The following MAP3K3 variants were observed in gnomAD, a reference collection of about 807,000 sequenced individuals.
MAP3K3 encodes the protein mitogen-activated protein kinase kinase kinase 3.
Under a neutral mutation model 80.9 loss-of-function variants are expected in MAP3K3, and 12 were observed. The ratio of observed to expected loss-of-function variants is 0.15; its 90% CI spans 0.10 to 0.24. The LOEUF is 0.24. Among genes scored for constraint, MAP3K3 ranks in the 10% least tolerant of loss-of-function variants. The probability of loss-of-function intolerance (pLI) is 1.00; values close to 1 mark genes in which losing one functional copy is unlikely to be tolerated. For synonymous variants in MAP3K3, 272 were observed against 307.1 expected (o/e 0.89, Z 1.19); for missense variants, 596 against 834.7 (o/e 0.71, Z 3.52).
intron 5 of MAP3K3, among the ~76,000 whole-genome samples, chr17:63,664,008 C>T (rs2034948452): frequency 6.6e-6 from 1 of 151,632 alleles, no homozygotes; most frequent in Admixed American, 6.6e-5. Context: ...TTTGGGAGGC[C>T]GAGGCGGGCG....
At position 63,693,279 on chromosome 17, in the gene MAP3K3, A is replaced by G. The variant is rs1598128499; in HGVS notation, c.1653-270A>G. 6.6e-6 allele frequency among the ~76,000 whole-genome samples: 1 copy of G among 152,232 alleles called. No homozygotes were observed. Among genetic ancestry groups the G allele is most frequent in the African/African-American group, 2.4e-5 (1 of 41,458 alleles). ...AAGTTTGTGGTCATTTGTTAAGAGC[A>G]GCTATGGGTAGCTAATACAGTTATT... On this transcript the variant is annotated intron_variant, in intron 15 of 15. Coordinates refer to ENST00000361733, the MANE Select transcript of MAP3K3 (RefSeq NM_002401.5). This position sits in a 1 kb window ranked among gnomAD's most constrained non-coding sequence, Gnocchi z 4.2.
At chr17:63,625,476 G>T (rs1478126546) in intron 1 of MAP3K3, among the ~76,000 whole-genome samples, 1 of 152,112 alleles carries the variant, frequency 6.6e-6, no homozygotes, top group Non-Finnish European at 1.5e-5. Context: ...TGAAAAATAT[G>T]TAACAACTTG....
chr17:63,658,878 G>A (rs1056211970), intron 5 of MAP3K3, among the ~76,000 whole-genome samples: 1 of 152,000 alleles, frequency 6.6e-6, no homozygotes, highest in African/African-American at 2.4e-5. Flanking sequence ...GGGATTATAG[G>A]TGCCCGCCAC....
chr17:63,638,578 A>G (rs2034378865), intron 2 of MAP3K3, among the ~76,000 whole-genome samples: 2 of 152,150 alleles, frequency 1.3e-5, no homozygotes, highest in Non-Finnish European at 2.9e-5. Context: ...GACAGCCCGC[A>G]CTGTCTCTCT....
chr17:63,685,583 G>T lies in MAP3K3; in HGVS notation c.703G>T (p.Ala235Ser). Reference sequence around the variant, plus strand: ...AAGCTGCCAATCCTTGGACAGGTCAGCAGACAGGTATGGGACTGTGGGTGG... The same window carrying T: ...AAGCTGCCAATCCTTGGACAGGTCATCAGACAGGTATGGGACTGTGGGTGG... Reference protein sequence around the residue: ...SGSCQSLDRSADSPSFRKSRM... With the variant: ...SGSCQSLDRSSDSPSFRKSRM... Residue 235 changes from alanine (A) to serine (S), a missense_variant, in exon 8 of 16, where the codon GCA (alanine) becomes TCA (serine). Ala to Ser is a moderately conservative substitution (Grantham distance 99). Coordinates refer to ENST00000361733, the MANE Select transcript of MAP3K3 (RefSeq NM_002401.5). The T allele has an allele frequency of 6.2e-7, 1 of 1,614,070 alleles. No homozygotes were observed. The highest frequency in any genetic ancestry group is 8.5e-7 in the Non-Finnish European group (1 of 1,179,902).
At position 63,652,616 on chromosome 17, in the gene MAP3K3, T is replaced by C; in HGVS notation, c.227T>C (p.Val76Ala). 5 of 1,613,918 alleles carry C rather than the reference T, an allele frequency of 3.1e-6. No homozygotes were observed. The highest frequency in any genetic ancestry group is 1.7e-5 in the Admixed American group (1 of 60,010). Residue 76 changes from valine (V) to alanine (A), a missense_variant, in exon 4 of 16, where the codon GTA (valine) becomes GCA (alanine). Val to Ala is a moderately conservative substitution (Grantham distance 64, BLOSUM62 0). Coordinates refer to ENST00000361733, the MANE Select transcript of MAP3K3 (RefSeq NM_002401.5). ...GATGTGGAGCACAAGGTGACAACAG[T>C]ATTTGGACAACCTCTTGATCTACAT... is the stretch of plus-strand genomic sequence containing the variant. Reference protein sequence around the residue: ...YEDVEHKVTTVFGQPLDLHYM... With the variant: ...YEDVEHKVTTAFGQPLDLHYM...
In MAP3K3 at chr17:63,681,778, C is replaced by T. The variant is rs770006698; in HGVS notation, c.515C>T (p.Pro172Leu). The change falls in exon 7 of 16, where the codon CCT becomes CTT. Residue 172 changes from proline (P) to leucine (L), a missense_variant. By Grantham distance (98) the Pro-to-Leu change is moderately conservative. Coordinates refer to ENST00000361733, the MANE Select transcript of MAP3K3 (RefSeq NM_002401.5). ...TTATGTGCTCTAGGCTCCCAGAACC[C>T]TGGCCGAAGCTCACCTCCCCCTGGC... is the stretch of plus-strand genomic sequence containing the variant. ...SRHLSVSSQN[P>L]GRSSPPPGYV... 6 of 1,512,398 alleles carry T rather than the reference C, an allele frequency of 4.0e-6. No individual in the cohort carries two copies. The East Asian group carries it at 1.5e-4, about 37-fold the overall frequency. 93.7% of individuals were successfully genotyped at this position (1,512,398 alleles called of 1,614,324 possible).
chr17:63,648,777 T>C lies in MAP3K3; in HGVS notation c.167+2703T>C, dbSNP rs535922544. ...TTGCAGTGAGCCGAGTTCGAGCCAC[T>C]GCACTCCAGCCTGGGGGACAGAGCG... On this transcript the variant is annotated intron_variant, in intron 3 of 15. Transcript: ENST00000361733. Among the ~76,000 whole-genome samples the C allele has an allele frequency of 4.6e-5, 7 of 152,176 alleles. No individual in the cohort carries two copies. The South Asian group carries it at 1.4e-3, about 32-fold the overall frequency.
chr17:63,675,493 G>A (rs986346889), intron 6 of MAP3K3, among the ~76,000 whole-genome samples: 4 of 152,204 alleles, frequency 2.6e-5, no homozygotes, highest in Non-Finnish European at 5.9e-5. Context: ...CTGTCGTTCA[G>A]CTTTAAGTCA....
At chr17:63,690,508 T>C (rs2143625658) in intron 12 of MAP3K3, 96 bp downstream of exon 12, 1 of 1,346,212 alleles carries the variant, frequency 7.4e-7, no homozygotes, top group South Asian at 1.3e-5. Context: ...TGTAGGTTGC[T>C]TCCTCTGTCA....
chr17:63,642,198 G>T (rs550073656), intron 2 of MAP3K3, among the ~76,000 whole-genome samples: 4 of 152,174 alleles, frequency 2.6e-5, no homozygotes, highest in Non-Finnish European at 5.9e-5. Flanking sequence ...CACAGGCTTG[G>T]TTAGTCTTAA....
chr17:63,661,507 G>C (rs1456497382), intron 5 of MAP3K3, among the ~76,000 whole-genome samples: 1 of 152,118 alleles, frequency 6.6e-6, no homozygotes, highest in Non-Finnish European at 1.5e-5. Flanking sequence ...TTCAGCTCTT[G>C]ACCTTCTTAG....
At chr17:63,662,257 A>C (rs1406507806) in intron 5 of MAP3K3, among the ~76,000 whole-genome samples, 3 of 151,290 alleles carry the variant, frequency 2.0e-5, no homozygotes, top group African/African-American at 4.9e-5. Flanking sequence ...AAAAAAAAAA[A>C]AAAAACGAAA....
chr17:63,643,747 G>A (rs1280721908), intron 2 of MAP3K3, among the ~76,000 whole-genome samples: 4 of 152,288 alleles, frequency 2.6e-5, no homozygotes, highest in Non-Finnish European at 1.5e-5. Context: ...GAGCACTTGG[G>A]ATACTCCAGA....
rs554484166 is a variant in MAP3K3 at position 63,695,335 on chromosome 17, T to A, written c.*1558T>A. 5.2e-5 allele frequency: 8 copies of A among 152,814 alleles called. No individual in the cohort carries two copies. The highest frequency in any genetic ancestry group is 1.9e-4 in the East Asian group (1 of 5,194). 9.5% of individuals were successfully genotyped at this position (152,814 alleles called of 1,614,324 possible). ...TATCTCAGATCATATTTGATGGTTT[T>A]TATATATATCAATTCTAGACTGTTA... On this transcript the variant is annotated 3_prime_UTR_variant, in exon 16 of 16. Coordinates refer to ENST00000361733, the MANE Select transcript of MAP3K3 (RefSeq NM_002401.5). The surrounding 1 kb of genome is among the most constrained non-coding windows in gnomAD (Gnocchi z 4.1).
intron 6 of MAP3K3, among the ~76,000 whole-genome samples, chr17:63,675,341 A>G (rs1409474695): frequency 6.6e-6 from 1 of 152,172 alleles, no homozygotes; most frequent in Non-Finnish European, 1.5e-5. Flanking sequence ...GTTAGTGGCC[A>G]AAAAAGCTAT....
Position 63,693,994 on chromosome 17 carries a change from G to C in MAP3K3, c.*217G>C. ...GGAGCCCCCAGCCTGTCAGATCCAG[G>C]AGCTCCAGTGTCCTGAGCTCAGCGT... On this transcript the variant is annotated 3_prime_UTR_variant, in exon 16 of 16. Coordinates refer to ENST00000361733, the MANE Select transcript of MAP3K3 (RefSeq NM_002401.5). The surrounding 1 kb of genome is among the most constrained non-coding windows in gnomAD (Gnocchi z 4.2). 1 of 526,244 alleles carries C rather than the reference G, an allele frequency of 1.9e-6. No individual in the cohort carries two copies. Among genetic ancestry groups the C allele is most frequent in the Non-Finnish European group, 3.3e-6 (1 of 298,944 alleles). The allele number at this position is 526,244 out of a possible 1,614,324, so 32.6% of individuals were successfully genotyped here.
intron 1 of MAP3K3, among the ~76,000 whole-genome samples, chr17:63,624,812 C>A (rs962627581): frequency 3.3e-5 from 5 of 152,202 alleles, no homozygotes; most frequent in African/African-American, 1.2e-4. Flanking sequence ...AGTAGATGAC[C>A]TTGATACACT....
intron 3 of MAP3K3, 127 bp downstream of exon 3, chr17:63,646,201 TG>T (rs1321496343): frequency 1.2e-5 from 10 of 811,718 alleles, no homozygotes; most frequent in Non-Finnish European, 2.1e-5. Context: ...TAGGGTGGAT[TG>T]GGCATAAAGG....
Sources: allele counts gnomAD v4.1 joint callset (sites outside exome capture counted in the v4.1 genomes callset), GRCh38; gene constraint gnomAD v4.1.1; non-coding constraint Gnocchi (gnomAD v3.1); transcripts MANE v1.5; gene names NCBI Gene and HGNC (gene_info 2026-07-23, HGNC 2026-07-21).